The following NLGN1 variants were observed in gnomAD, a reference collection of about 807,000 sequenced individuals.
The protein encoded by NLGN1 is neuroligin-1.
A neutral mutation model predicts 65.5 loss-of-function variants in NLGN1; 12 were observed. The ratio of observed to expected loss-of-function variants is 0.18; its 90% CI spans 0.12 to 0.30. The LOEUF is 0.30. Ranked by LOEUF, NLGN1 falls within the 10% of genes least tolerant of loss-of-function variation. The pLI, the probability that NLGN1 is intolerant of heterozygous loss-of-function variation, is 1.00. For missense variants in NLGN1, 750 were observed against 1,007.1 expected, an observed-to-expected ratio of 0.74 and a Z score of 3.46; for synonymous variants, 350 against 359.5, an observed-to-expected ratio of 0.97 and a Z score of 0.30.
chr3:173,485,407 A>G (rs1258218313), intron 2 of NLGN1, among the ~76,000 whole-genome samples: 1 of 152,130 alleles, frequency 6.6e-6, no homozygotes, highest in South Asian at 2.1e-4. Context: ...CCCTCCTTCA[A>G]AAATTGTTGT....
At chr3:174,017,197 A>G (rs998445507) in intron 4 of NLGN1, among the ~76,000 whole-genome samples, 1 of 152,160 alleles carries the variant, frequency 6.6e-6, no homozygotes, top group African/African-American at 2.4e-5. Flanking sequence ...TCATGGTTTC[A>G]CACAGTTGAC....
At chr3:174,042,722 A>G (rs1007685678) in intron 4 of NLGN1, among the ~76,000 whole-genome samples, 37 of 152,200 alleles carry the variant, frequency 2.4e-4, no homozygotes, top group African/African-American at 8.9e-4. Flanking sequence ...TTTTTTAAAA[A>G]TAAACATTTT....
At chr3:174,068,979 A>T (rs567175362) in intron 4 of NLGN1, among the ~76,000 whole-genome samples, 1 of 152,286 alleles carries the variant, frequency 6.6e-6, no homozygotes, top group South Asian at 2.1e-4. Context: ...GTGGGAGAAA[A>T]GAGTTATTGT....
chr3:173,818,370 GCA>G (rs1469707115), intron 4 of NLGN1, among the ~76,000 whole-genome samples: 2 of 152,168 alleles, frequency 1.3e-5, no homozygotes, highest in Non-Finnish European at 2.9e-5. Flanking sequence ...GAGGGTTTCA[GCA>G]CAGTTTTATG....
At chr3:173,539,760 C>CATGTACCTATATAACACATATAT (rs1738395693) in intron 2 of NLGN1, among the ~76,000 whole-genome samples, 2 of 73,020 alleles carry the variant, frequency 2.7e-5, no homozygotes, top group Non-Finnish European at 5.0e-5. Context: ...ATAACATATA[C>CATGTACCTATATAACACATATAT]ATGTACATAT....
chr3:173,470,477 G>A (rs1043562266), intron 2 of NLGN1, among the ~76,000 whole-genome samples: 3 of 151,876 alleles, frequency 2.0e-5, no homozygotes, highest in Non-Finnish European at 4.4e-5. Context: ...CCAAACACAC[G>A]TAGCGCTTGT....
At chr3:173,598,471 C>T (rs571074007) in intron 2 of NLGN1, among the ~76,000 whole-genome samples, 2 of 152,206 alleles carry the variant, frequency 1.3e-5, no homozygotes, top group African/African-American at 2.4e-5. Context: ...CTTTAGAGAT[C>T]TCTGCCCCAA....
chr3:173,524,651 G>A (rs1165417305), intron 2 of NLGN1, among the ~76,000 whole-genome samples: 1 of 152,118 alleles, frequency 6.6e-6, no homozygotes, highest in Non-Finnish European at 1.5e-5. Context: ...CAGTTCTTAG[G>A]AAGAATGCTT....
Position 174,099,856 on chromosome 3 carries a change from C to T in NLGN1, c.647-175459C>T, listed in dbSNP as rs556372127. On this transcript the variant is annotated intron_variant, in intron 4 of 6. Transcript: ENST00000457714. The stretch of plus-strand genomic sequence containing the variant: ...TGAAAATACCTGTAGAGTTCATTCT[C>T]AAGGCAATAGAGTGTTTCTCGACGT... Among the ~76,000 whole-genome samples, 480 of 152,208 alleles carry T rather than the reference C, an allele frequency of 3.2e-3. 3 individuals carry two copies. The highest frequency in any genetic ancestry group is 0.011 in the African/African-American group (454 of 41,514).
intron 2 of NLGN1, among the ~76,000 whole-genome samples, chr3:173,531,531 T>G: frequency 6.6e-6 from 1 of 151,660 alleles, no homozygotes; most frequent in East Asian, 1.9e-4. Context: ...TTTATTTTTC[T>G]TAAAAATTGT....
intron 2 of NLGN1, among the ~76,000 whole-genome samples, chr3:173,454,441 A>G (rs1394457394): frequency 6.6e-6 from 1 of 152,070 alleles, no homozygotes; most frequent in Non-Finnish European, 1.5e-5. Context: ...TTCTGTTATC[A>G]TCTTTCTTTA....
intron 3 of NLGN1, among the ~76,000 whole-genome samples, chr3:173,638,031 G>T (rs962516663): frequency 6.6e-6 from 1 of 152,060 alleles, no homozygotes; most frequent in Non-Finnish European, 1.5e-5. Context: ...TTTTAATAGA[G>T]ATATTTACTT....
intron 4 of NLGN1, among the ~76,000 whole-genome samples, chr3:174,018,931 G>T (rs765948600): frequency 2.6e-5 from 4 of 151,782 alleles, no homozygotes; most frequent in Non-Finnish European, 4.4e-5. Context: ...ATTTATTTTG[G>T]AATATAAGGA....
At chr3:174,202,152 G>A (rs1040188149) in intron 4 of NLGN1, among the ~76,000 whole-genome samples, 3 of 151,820 alleles carry the variant, frequency 2.0e-5, no homozygotes, top group African/African-American at 7.3e-5. Context: ...TGTGTTTTCT[G>A]TGCACAGTAC....
intron 3 of NLGN1, among the ~76,000 whole-genome samples, chr3:173,730,430 A>G (rs192798764): frequency 6.6e-6 from 1 of 151,932 alleles, no homozygotes; most frequent in Admixed American, 6.6e-5. Context: ...TAAAATAGGT[A>G]AATGGCCATA....
intron 4 of NLGN1, among the ~76,000 whole-genome samples, chr3:174,084,862 A>G (rs1398081688): frequency 6.6e-6 from 1 of 152,042 alleles, no homozygotes; most frequent in Non-Finnish European, 1.5e-5. Context: ...TACTTAAACA[A>G]TGTGAAATAT....
At chr3:173,757,586 A>T (rs1777327572) in intron 3 of NLGN1, among the ~76,000 whole-genome samples, 1 of 152,038 alleles carries the variant, frequency 6.6e-6, no homozygotes, top group East Asian at 1.9e-4. Context: ...GGATGGGAAA[A>T]GAGGGTTATA....
At chr3:174,038,368 C>T (rs989742508) in intron 4 of NLGN1, among the ~76,000 whole-genome samples, 10 of 152,272 alleles carry the variant, frequency 6.6e-5, no homozygotes, top group Admixed American at 1.3e-4. Context: ...CCATCTCTTA[C>T]TTGGCTCTCA....
intron 2 of NLGN1, among the ~76,000 whole-genome samples, chr3:173,583,349 T>C (rs969679074): frequency 1.4e-4 from 22 of 152,218 alleles, no homozygotes; most frequent in African/African-American, 5.3e-4. Flanking sequence ...GGAACATGTA[T>C]ATTTATTGAT....
Sources: gnomAD v4.1 joint callset for allele counts (sites outside exome capture counted in the v4.1 genomes callset) on GRCh38, gnomAD v4.1.1 for gene constraint, MANE v1.5 for transcripts, NCBI Gene and HGNC (gene_info 2026-07-23, HGNC 2026-07-21) for gene names.